ZNF493: variants seen among roughly 807,000 people sequenced by gnomAD.
The protein encoded by ZNF493 is zinc finger protein 493.
A neutral mutation model predicts 12.2 loss-of-function variants in ZNF493; 11 were observed. The ratio of observed to expected loss-of-function variants is 0.90; its 90% confidence interval spans 0.57 to 1.50. The LOEUF is 1.50. ZNF493 is among the 40% of genes most tolerant of loss of function. The pLI is 0.00. For missense variants in ZNF493, 950 were observed against 906.6 expected, an observed-to-expected ratio of 1.05 and a Z score of -0.61; for synonymous variants, 286 against 302.6, an observed-to-expected ratio of 0.95 and a Z score of 0.57.
At chr19:21,406,378 G>A (rs984643117) in intron 3 of ZNF493, among the ~76,000 whole-genome samples, 2 of 151,210 alleles carry the variant, frequency 1.3e-5, no homozygotes, top group African/African-American at 4.9e-5. Flanking sequence ...TCTCACATAG[G>A]GCCATCTTCT....
At chr19:21,412,029 G>A (rs1174719742) in intron 3 of ZNF493, 3 of 152,010 alleles carry the variant, frequency 2.0e-5, no homozygotes, top group African/African-American at 7.3e-5. Flanking sequence ...ATACTGCCGA[G>A]ACCAGCTCAG....
At chr19:21,411,702 AGAGT>A (rs2030331925) in intron 3 of ZNF493, among the ~76,000 whole-genome samples, 1 of 151,458 alleles carries the variant, frequency 6.6e-6, no homozygotes, top group Admixed American at 6.6e-5. Context: ...CCTGGGTGAC[AGAGT>A]GAGACTCCAT....
At position 21,424,371 on chromosome 19, in the gene ZNF493, A is replaced by G; in HGVS notation, c.1712A>G (p.Lys571Arg). The G allele has an allele frequency of 6.2e-7, 1 of 1,613,460 alleles. No individual in the cohort carries two copies. The change falls in exon 4 of 4, where the codon AAA becomes AGA. Residue 571 changes from lysine to arginine, a missense_variant. Physicochemically the swap from Lys to Arg is conservative, Grantham distance 26 (BLOSUM62 2). Transcript: ENST00000392288. ...CATAAGAGAATTCATACTGGACACA[A>G]ACCCTACAAATGTAAAGAATGTGGC... ...TTHKRIHTGHKPYKCKECGKS... is the reference protein window; with the variant it reads ...TTHKRIHTGHRPYKCKECGKS...
intron 3 of ZNF493, among the ~76,000 whole-genome samples, chr19:21,406,086 G>A (rs998368963): frequency 6.6e-6 from 1 of 152,020 alleles, no homozygotes; most frequent in Non-Finnish European, 1.5e-5. Context: ...GCCAGGCGTG[G>A]TGGCAGTTGC....
intron 1 of ZNF493, 37 bp downstream of exon 1, chr19:21,397,304 AG>A (rs756383985): frequency 6.2e-7 from 1 of 1,613,998 alleles, no homozygotes; most frequent in African/African-American, 1.3e-5. Flanking sequence ...AGAGAGGGGA[AG>A]GAGTTGCTCG....
intron 1 of ZNF493, among the ~76,000 whole-genome samples, chr19:21,402,492 C>T (rs2029981718): frequency 6.6e-6 from 1 of 152,138 alleles, no homozygotes; most frequent in Non-Finnish European, 1.5e-5. Flanking sequence ...ATGAAGGGAT[C>T]TCTCCTTTGA....
intron 3 of ZNF493, among the ~76,000 whole-genome samples, chr19:21,408,984 A>C (rs1403590147): frequency 6.7e-6 from 1 of 149,718 alleles, no homozygotes; most frequent in Non-Finnish European, 1.5e-5. Context: ...TCCCGGGTTC[A>C]CGTCATTCTC....
At chr19:21,405,497 A>T in intron 2 of ZNF493, 1 of 1,337,908 alleles carries the variant, frequency 7.5e-7, no homozygotes, top group South Asian at 2.0e-5. Context: ...GTAATTTCAG[A>T]AATTTAGTAG....
Position 21,424,479 on chromosome 19 carries a change from G to A in ZNF493, c.1820G>A (p.Gly607Asp), listed in dbSNP as rs115857690. The change falls in exon 4 of 4, where the codon GGC becomes GAC. Residue 607 changes from glycine (G) to aspartate (D), a missense_variant. Transcript: ENST00000392288. ...DKKPYKCEEC[G>D]KAFNRSSILS... ...AAACCCTACAAATGTGAAGAATGTG[G>A]CAAAGCTTTTAACCGATCTTCAATC... is the stretch of plus-strand genomic sequence containing the variant. 6.2e-7 allele frequency: 1 copy of A among 1,613,180 alleles called. No individual in the cohort carries two copies. Among genetic ancestry groups the A allele is most frequent in the Non-Finnish European group, 8.5e-7 (1 of 1,179,688 alleles).
chr19:21,408,882 T>TA, intron 3 of ZNF493: 3 of 429,270 alleles, frequency 7.0e-6, no homozygotes, highest in Non-Finnish European at 9.1e-6. Context: ...TCTTTCTTTC[T>TA]TTTTTTTTTT....
chr19:21,421,782 C>G lies in ZNF493; in HGVS notation c.254-1131C>G, dbSNP rs1599380258. Among the ~76,000 whole-genome samples, 4 of 152,288 alleles carry G rather than the reference C, an allele frequency of 2.6e-5. No homozygotes were observed. The South Asian group carries it at 6.2e-4, about 24-fold the overall frequency. Reference sequence around the variant, plus strand: ...TCTGAGTTAGAGATTCTGAGAGTCTCTCAAACATGTTCTTTGAGTGTGTCT... The same window carrying G: ...TCTGAGTTAGAGATTCTGAGAGTCTGTCAAACATGTTCTTTGAGTGTGTCT... On this transcript the variant is annotated intron_variant, in intron 3 of 3. Transcript: ENST00000392288.
At chr19:21,407,192 A>G (rs1181804968) in intron 3 of ZNF493, among the ~76,000 whole-genome samples, 1 of 152,128 alleles carries the variant, frequency 6.6e-6, no homozygotes, top group Non-Finnish European at 1.5e-5. Flanking sequence ...TACTGAAAAT[A>G]CAAATAATTA....
At chr19:21,399,533 C>G (rs1974227773) in intron 1 of ZNF493, among the ~76,000 whole-genome samples, 1 of 152,096 alleles carries the variant, frequency 6.6e-6, no homozygotes, top group African/African-American at 2.4e-5. Context: ...TTATTTTGAC[C>G]TCAGTTTTTT....
chr19:21,397,153 G>T lies in ZNF493; in HGVS notation c.-85G>T. ...GGGCCATTGTTTCTCTCTGCTGCCG[G>T]AGCTCCAGGTCTACCCTTCACTGCT... On this transcript the variant is annotated 5_prime_UTR_variant, in exon 1 of 4. Transcript: ENST00000392288. 2 of 1,506,982 alleles carry T rather than the reference G, an allele frequency of 1.3e-6. No individual in the cohort carries two copies. The highest frequency in any genetic ancestry group is 1.8e-6 in the Non-Finnish European group (2 of 1,083,076). The allele number at this position is 1,506,982 out of a possible 1,614,324, so 93.4% of individuals were successfully genotyped here.
At chr19:21,417,699 G>A (rs895494477) in intron 3 of ZNF493, among the ~76,000 whole-genome samples, 5 of 152,122 alleles carry the variant, frequency 3.3e-5, no homozygotes, top group African/African-American at 9.7e-5. Flanking sequence ...CAGCCCAGCC[G>A]CCAACCCCCA....
chr19:21,408,597 T>A (rs1198251477), intron 3 of ZNF493: 1 of 985,080 alleles, frequency 1.0e-6, no homozygotes, highest in Non-Finnish European at 1.2e-6. Flanking sequence ...TAATGGTATA[T>A]TAATGTTGCA....
At chr19:21,406,222 C>CA (rs5827503) in intron 3 of ZNF493, among the ~76,000 whole-genome samples, 8 of 150,202 alleles carry the variant, frequency 5.3e-5, no homozygotes, top group Admixed American at 2.0e-4. Flanking sequence ...GACTTCATCT[C>CA]AAAAAAAAAA....
At chr19:21,402,112 C>A (rs865799431) in intron 1 of ZNF493, among the ~76,000 whole-genome samples, 1 of 151,912 alleles carries the variant, frequency 6.6e-6, no homozygotes, top group Non-Finnish European at 1.5e-5. Flanking sequence ...GGACTACAGG[C>A]ACCCGCCATC....
At position 21,424,150 on chromosome 19, in the gene ZNF493, T is replaced by A; in HGVS notation, c.1491T>A (p.Ala497=). Residue 497 remains alanine, a synonymous_variant, in exon 4 of 4, where the codon GCT becomes GCA. Transcript: ENST00000392288. ...ACAAATGTGAAGAATGTGGCAAAGC[T>A]TTTAACCAATCTTCAACCCTTAGTA... is the stretch of plus-strand genomic sequence containing the variant. ...KPYKCEECGK[A]FNQSSTLSIH... is the part of the protein sequence containing the mutation. 1 of 1,613,248 alleles carries A rather than the reference T, an allele frequency of 6.2e-7. No individual in the cohort carries two copies. Among genetic ancestry groups the A allele is most frequent in the Non-Finnish European group, 8.5e-7 (1 of 1,179,672 alleles).
Sources: allele counts gnomAD v4.1 joint callset (sites outside exome capture counted in the v4.1 genomes callset), GRCh38; gene constraint gnomAD v4.1.1; transcripts MANE v1.5; gene names NCBI Gene and HGNC (gene_info 2026-07-23, HGNC 2026-07-21).